The following PTPRM variants were observed in gnomAD, a reference collection of about 807,000 sequenced individuals.
PTPRM encodes receptor-type tyrosine-protein phosphatase mu.
Under a neutral mutation model 186.7 loss-of-function variants are expected in PTPRM, and 47 were observed. The ratio of observed to expected loss-of-function variants is 0.25; its 90% confidence interval spans 0.20 to 0.32. The LOEUF (loss-of-function observed/expected upper bound fraction) is 0.32, where lower values mean the gene tolerates loss of function less well. PTPRM is among the 10% of genes least tolerant of loss of function. PTPRM has a pLI of 1.00. For synonymous variants in PTPRM, 668 were observed against 674.9 expected (o/e 0.99, Z 0.16); for missense variants, 1,494 against 1,865.0 (o/e 0.80, Z 3.66).
Position 8,253,311 on chromosome 18 carries a change from A to G in PTPRM, c.2651A>G (p.Tyr884Cys), listed in dbSNP as rs2094546127. Residue 884 changes from tyrosine to cysteine, a missense_variant, in exon 19 of 33, where the codon TAT becomes TGT. By Grantham distance (194) the Tyr-to-Cys change is radical. Transcript: ENST00000580170. Reference sequence around the variant, plus strand: ...AAGCGAGAGCCGGCCGACGTGCCCTATCAGACTGGGCAGCTCCACCCCGCC... The same window carrying G: ...AAGCGAGAGCCGGCCGACGTGCCCTGTCAGACTGGGCAGCTCCACCCCGCC... ...YKKREPADVP[Y>C]QTGQLHPAIR... The G allele has an allele frequency of 1.9e-6, 3 of 1,599,556 alleles. No individual in the cohort carries two copies. The highest frequency in any genetic ancestry group is 2.6e-6 in the Non-Finnish European group (3 of 1,173,228).
chr18:7,847,808 G>T (rs963434636), intron 2 of PTPRM, among the ~76,000 whole-genome samples: 7 of 152,302 alleles, frequency 4.6e-5, no homozygotes, highest in Non-Finnish European at 1.0e-4. Flanking sequence ...CAAGGGTGGA[G>T]AATTCTCCTT....
chr18:7,625,322 G>C (rs763020203), intron 1 of PTPRM, among the ~76,000 whole-genome samples: 21 of 152,022 alleles, frequency 1.4e-4, no homozygotes, highest in Non-Finnish European at 2.5e-4. Context: ...TAATTTTCCC[G>C]ACTCTTATCA....
chr18:8,177,671 A>C (rs957659886), intron 14 of PTPRM, among the ~76,000 whole-genome samples: 10 of 152,232 alleles, frequency 6.6e-5, no homozygotes, highest in Non-Finnish European at 1.3e-4. Flanking sequence ...AGGCTGAGTG[A>C]GAGAATGAGG....
rs1310368478 is a variant in PTPRM at position 7,568,770 on chromosome 18, C to A, written c.73+879C>A. Among the ~76,000 whole-genome samples, 1 of 152,146 alleles carries A rather than the reference C, an allele frequency of 6.6e-6. No individual in the cohort carries two copies. The highest frequency in any genetic ancestry group is 1.5e-5 in the Non-Finnish European group (1 of 68,016). The stretch of plus-strand genomic sequence containing the variant: ...CGGGGGCGTTCTAAGCCCAGAGGAA[C>A]CCCTCACGGAGAGGATCTGTGGATC... On this transcript the variant is annotated intron_variant, in intron 1 of 32. Transcript: ENST00000580170. This position sits in a 1 kb window ranked among gnomAD's most constrained non-coding sequence, Gnocchi z 5.1.
At chr18:8,053,903 G>A (rs1457929575) in intron 7 of PTPRM, among the ~76,000 whole-genome samples, 1 of 151,836 alleles carries the variant, frequency 6.6e-6, no homozygotes, top group Non-Finnish European at 1.5e-5. Context: ...TGATCTTGTT[G>A]TAAATGAAAA....
At chr18:8,090,447 A>G (rs2090655048) in intron 11 of PTPRM, among the ~76,000 whole-genome samples, 1 of 152,146 alleles carries the variant, frequency 6.6e-6, no homozygotes, top group Non-Finnish European at 1.5e-5. Flanking sequence ...AAGCTTAATC[A>G]TTTTTCAAAA....
chr18:7,599,277 A>G (rs1470439020), intron 1 of PTPRM, among the ~76,000 whole-genome samples: 2 of 152,122 alleles, frequency 1.3e-5, no homozygotes, highest in East Asian at 1.9e-4. Context: ...CTACGGGGCA[A>G]TTTTCAAGCT....
At chr18:7,629,229 G>A (rs2038133334) in intron 1 of PTPRM, among the ~76,000 whole-genome samples, 1 of 152,162 alleles carries the variant, frequency 6.6e-6, no homozygotes, top group Admixed American at 6.5e-5. Flanking sequence ...TCAATGTAGG[G>A]AAGAACCATC....
intron 2 of PTPRM, among the ~76,000 whole-genome samples, chr18:7,873,236 G>A (rs1316569582): frequency 2.0e-5 from 3 of 152,106 alleles, no homozygotes; most frequent in African/African-American, 7.2e-5. Flanking sequence ...TACTTTTTAA[G>A]ACTTATAATT....
At chr18:7,906,804 G>A (rs1474129442) in intron 4 of PTPRM, among the ~76,000 whole-genome samples, 1 of 152,196 alleles carries the variant, frequency 6.6e-6, no homozygotes, top group Non-Finnish European at 1.5e-5. Flanking sequence ...CAGGAATGGG[G>A]AATCAAGGAA....
At chr18:7,889,677 C>T (rs1227714503) in intron 3 of PTPRM, among the ~76,000 whole-genome samples, 2 of 151,968 alleles carry the variant, frequency 1.3e-5, no homozygotes, top group South Asian at 2.1e-4. Context: ...CCATATGTGA[C>T]GCAGAAAGGC....
chr18:8,136,745 T>C (rs2092648220), intron 13 of PTPRM, among the ~76,000 whole-genome samples: 1 of 152,010 alleles, frequency 6.6e-6, no homozygotes, highest in Admixed American at 6.5e-5. Flanking sequence ...AAATGAAAAA[T>C]CTAGGAGGTG....
At chr18:8,250,428 G>A (rs1354206389) in intron 17 of PTPRM, among the ~76,000 whole-genome samples, 1 of 151,972 alleles carries the variant, frequency 6.6e-6, no homozygotes, top group Non-Finnish European at 1.5e-5. Context: ...AAAACTATTA[G>A]TGAGAAGCTT....
rs148725633 is a variant in PTPRM, at chr18:7,931,759, G to C, written c.663+5076G>C. Among the ~76,000 whole-genome samples, 7 of 152,330 alleles carry C rather than the reference G, an allele frequency of 4.6e-5. No homozygotes were observed. In the East Asian group the frequency reaches 1.2e-3, roughly 25 times the overall value. On this transcript the variant is annotated intron_variant, in intron 5 of 32. Coordinates refer to ENST00000580170, the MANE Select transcript of PTPRM (RefSeq NM_001105244.2). ...GTTGTATATTTTTTATGTAGTCACT[G>C]ACCTTTAAGCTATGTATGGTTGTAT...
At chr18:8,299,425 A>G (rs1156364928) in intron 20 of PTPRM, among the ~76,000 whole-genome samples, 2 of 152,034 alleles carry the variant, frequency 1.3e-5, no homozygotes, top group Non-Finnish European at 2.9e-5. Context: ...TGCCTCTACT[A>G]AAAAGACAAA....
At chr18:8,257,747 A>G (rs1220904904) in intron 19 of PTPRM, among the ~76,000 whole-genome samples, 3 of 152,164 alleles carry the variant, frequency 2.0e-5, no homozygotes, top group Non-Finnish European at 2.9e-5. Context: ...TTCAATCTGT[A>G]TATTATCAGG....
Position 8,209,973 on chromosome 18 carries a change from G to T in PTPRM, c.2301-34085G>T, listed in dbSNP as rs572969524. On this transcript the variant is annotated intron_variant, in intron 14 of 32. Coordinates refer to ENST00000580170, the MANE Select transcript of PTPRM (RefSeq NM_001105244.2). Reference sequence around the variant, plus strand: ...CTGCACTTTCTGCACATGTATCCCGGAACTTGAAGTAAAATTAAAAAAAAA... The same window carrying T: ...CTGCACTTTCTGCACATGTATCCCGTAACTTGAAGTAAAATTAAAAAAAAA... 6.2e-5 allele frequency among the ~76,000 whole-genome samples: 8 copies of T among 130,004 alleles called. No homozygotes were observed. The East Asian group carries it at 2.0e-3, about 32-fold the overall frequency. The allele number at this position is 130,004 out of a possible 152,430, so 85.3% of individuals were successfully genotyped here. A position where few individuals can be genotyped will look rare whatever the true frequency, so the allele number is the denominator to read the frequency against.
chr18:8,343,289 A>G, intron 22 of PTPRM, 134 bp from the exon 23 acceptor site: 2 of 581,848 alleles, frequency 3.4e-6, no homozygotes, highest in East Asian at 3.1e-5. Flanking sequence ...TTGCATTGAC[A>G]CTAGAGACCT....
At chr18:8,108,875 A>G (rs1368119329) in intron 11 of PTPRM, among the ~76,000 whole-genome samples, 2 of 152,246 alleles carry the variant, frequency 1.3e-5, no homozygotes, top group African/African-American at 4.8e-5. Flanking sequence ...TTTAAATTCC[A>G]GAATAATGGT....
Sources: allele counts gnomAD v4.1 joint callset (sites outside exome capture counted in the v4.1 genomes callset), GRCh38; gene constraint gnomAD v4.1.1; non-coding constraint Gnocchi (gnomAD v3.1); transcripts MANE v1.5; gene names NCBI Gene and HGNC (gene_info 2026-07-23, HGNC 2026-07-21).